The following ATP11A variants were observed in gnomAD, a reference collection of about 807,000 sequenced individuals.
The protein encoded by ATP11A is phospholipid-transporting ATPase IH.
ATP11A carries 81 observed loss-of-function variants against 154.4 expected under a neutral mutation model. The ratio of observed to expected loss-of-function variants is 0.52; its 90% confidence interval spans 0.44 to 0.63. The LOEUF (loss-of-function observed/expected upper bound fraction) is 0.63. Among genes scored for constraint, ATP11A ranks in the 30% least tolerant of loss-of-function variants. ATP11A has a pLI of 0.00. For synonymous variants in ATP11A, 623 were observed against 585.9 expected (o/e 1.06, Z -0.91); for missense variants, 1,316 against 1,474.3 (o/e 0.89, Z 1.76).
At position 112,838,151 on chromosome 13, in the gene ATP11A, G is replaced by A. The variant is rs79954622; in HGVS notation, c.1705+1900G>A. Reference sequence around the variant, plus strand: ...CCAGACCGTGGGATCAGCAGGACAGGGTCTGAGAACAGGTTCAGATGCGCG... The same window carrying A: ...CCAGACCGTGGGATCAGCAGGACAGAGTCTGAGAACAGGTTCAGATGCGCG... On this transcript the variant is annotated intron_variant, in intron 16 of 29. Transcript: ENST00000375645. This position sits in a 1 kb window ranked among gnomAD's most constrained non-coding sequence, Gnocchi z 7.3. Among the ~76,000 whole-genome samples, 2,304 of 152,280 alleles carry A rather than the reference G, an allele frequency of 0.015. 28 individuals carry two copies. Among genetic ancestry groups the A allele is most frequent in the Non-Finnish European group, 0.025 (1,704 of 68,022 alleles).
intron 1 of ATP11A, among the ~76,000 whole-genome samples, chr13:112,755,809 A>G (rs1471958324): frequency 5.4e-5 from 7 of 129,058 alleles, no homozygotes; most frequent in Non-Finnish European, 1.1e-4. Context: ...AGCGGCTCCC[A>G]GAACCATTTC....
At chr13:112,763,524 G>T (rs1378377047) in intron 1 of ATP11A, among the ~76,000 whole-genome samples, 3 of 152,068 alleles carry the variant, frequency 2.0e-5, no homozygotes, top group Non-Finnish European at 4.4e-5. Flanking sequence ...TGTCTCTTGT[G>T]GGGGAAATTT....
chr13:112,702,345 CAAAAAAAAA>C (rs35687422), intron 1 of ATP11A, among the ~76,000 whole-genome samples: 16 of 121,764 alleles, frequency 1.3e-4, no homozygotes, highest in Non-Finnish European at 2.7e-4. Flanking sequence ...GATTCTGTCT[CAAAAAAAAA>C]AAAAAAAAGA....
intron 17 of ATP11A, among the ~76,000 whole-genome samples, chr13:112,845,591 AACCAGTCCAGTTACCAGGCACTAGCGG>A (rs2079569036): frequency 8.4e-6 from 1 of 119,368 alleles, no homozygotes. Flanking sequence ...TAGTGGTTCT[AACCAGTCCAGTTACCAGGCACTAGCGG>A]TACTAACCAG....
chr13:112,734,637 A>G lies in ATP11A; in HGVS notation c.39+44182A>G, dbSNP rs190029191. On this transcript the variant is annotated intron_variant, in intron 1 of 29. Transcript: ENST00000375645. Reference sequence around the variant, plus strand: ...CGAAAATGTGACCCAATGCTTTCACACTCCTGTACTTTTCATAAATTAGTG... The same window carrying G: ...CGAAAATGTGACCCAATGCTTTCACGCTCCTGTACTTTTCATAAATTAGTG... Among the ~76,000 whole-genome samples, 436 of 152,254 alleles carry G rather than the reference A, an allele frequency of 2.9e-3. 2 individuals are homozygous for G. The highest frequency in any genetic ancestry group is 9.7e-3 in the African/African-American group (403 of 41,548).
At chr13:112,748,720 A>C (rs2076618447) in intron 1 of ATP11A, among the ~76,000 whole-genome samples, 1 of 152,192 alleles carries the variant, frequency 6.6e-6, no homozygotes, top group African/African-American at 2.4e-5. Context: ...AATCCGAAAT[A>C]AGCAATTGTG....
At chr13:112,699,765 C>T (rs1594323925) in intron 1 of ATP11A, among the ~76,000 whole-genome samples, 3 of 152,206 alleles carry the variant, frequency 2.0e-5, no homozygotes, top group South Asian at 2.1e-4. Context: ...TGTGCAGCCT[C>T]CTGCCGGGGA....
In ATP11A at chr13:112,820,509, C is replaced by T. The variant is rs1333332751; in HGVS notation, c.725+559C>T. Among the ~76,000 whole-genome samples, 5 of 152,294 alleles carry T rather than the reference C, an allele frequency of 3.3e-5. No individual in the cohort carries two copies. In the East Asian group the frequency reaches 7.7e-4, roughly 24 times the overall value. On this transcript the variant is annotated intron_variant, in intron 8 of 29. Transcript: ENST00000375645. ...TTCCCATTCACCAGCATGGACCCAG[C>T]GGCAGTCACATCGCATACCCATGAG...
rs1371289932 is a variant in ATP11A at position 112,746,914 on chromosome 13, A to G, written c.40-38221A>G. ...CTCCTTATTAGACCTTCTTGCTACA[A>G]ATGTCTATTGAGGTTCTTTGCCTAT... On this transcript the variant is annotated intron_variant, in intron 1 of 29. Transcript: ENST00000375645. This position sits in a 1 kb window ranked among gnomAD's most constrained non-coding sequence, Gnocchi z 4.1. 1 of 151,680 alleles carries G rather than the reference A, an allele frequency of 6.6e-6. No individual in the cohort carries two copies. The highest frequency in any genetic ancestry group is 1.9e-4 in the East Asian group (1 of 5,172). 9.4% of individuals were successfully genotyped at this position (151,680 alleles called of 1,614,324 possible).
In ATP11A at chr13:112,717,958, T is replaced by G. The variant is rs186447212; in HGVS notation, c.39+27503T>G. Among the ~76,000 whole-genome samples, 777 of 152,282 alleles carry G rather than the reference T, an allele frequency of 5.1e-3. 7 individuals are homozygous for G. The highest frequency in any genetic ancestry group is 0.019 in the East Asian group (99 of 5,186). On this transcript the variant is annotated intron_variant, in intron 1 of 29. Coordinates refer to ENST00000375645, the MANE Select transcript of ATP11A (RefSeq NM_015205.3). ...TGAGCGTGGTGGTGCATGCCTGTAATCCCAGCTACTCGGGAGCCGAGTCAG... is the reference window on the plus strand; with the variant it reads ...TGAGCGTGGTGGTGCATGCCTGTAAGCCCAGCTACTCGGGAGCCGAGTCAG...
intron 1 of ATP11A, among the ~76,000 whole-genome samples, chr13:112,700,044 A>T (rs201879612): frequency 1.4e-5 from 2 of 139,864 alleles, no homozygotes. Flanking sequence ...GACAAAGGTA[A>T]TTTTTTTTTT....
At chr13:112,872,234 A>G (rs2080546024) in intron 26 of ATP11A, among the ~76,000 whole-genome samples, 1 of 152,256 alleles carries the variant, frequency 6.6e-6, no homozygotes, top group Admixed American at 6.5e-5. Context: ...CTCAAAACCT[A>G]TCAGACTGAG....
At chr13:112,799,968 G>T (rs1011726269) in intron 2 of ATP11A, among the ~76,000 whole-genome samples, 1 of 152,050 alleles carries the variant, frequency 6.6e-6, no homozygotes, top group Non-Finnish European at 1.5e-5. Flanking sequence ...GTCTCAAGAG[G>T]CATAAAAATA....
In ATP11A at chr13:112,875,758, C is replaced by A; in HGVS notation, c.3162-18C>A. 1 of 1,609,850 alleles carries A rather than the reference C, an allele frequency of 6.2e-7. No individual in the cohort carries two copies. Among genetic ancestry groups the A allele is most frequent in the Non-Finnish European group, 8.5e-7 (1 of 1,176,984 alleles). ...GGAGTACATGCCTCACCAGCGGCTT[C>A]TCTTCCCTGCCCCTCAGGCCGTTCC... On this transcript the variant is annotated intron_variant, in intron 27 of 29. Coordinates refer to ENST00000375645, the MANE Select transcript of ATP11A (RefSeq NM_015205.3). This position sits in a 1 kb window ranked among gnomAD's most constrained non-coding sequence, Gnocchi z 4.1.
At position 112,836,149 on chromosome 13, in the gene ATP11A, C is replaced by T. The variant is rs201271956; in HGVS notation, c.1632-29C>T. 2,463 of 1,562,194 alleles carry T rather than the reference C, an allele frequency of 1.6e-3. 52 individuals are homozygous for T. The South Asian group carries it at 0.024, about 15-fold the overall frequency. On this transcript the variant is annotated intron_variant, in intron 15 of 29. Transcript: ENST00000375645. ...GGAATCACGTGAGCACCCGTGTGGACGGTGTGACCTTCTGCATTTCTCTTT... is the reference window on the plus strand; with the variant it reads ...GGAATCACGTGAGCACCCGTGTGGATGGTGTGACCTTCTGCATTTCTCTTT...
intron 12 of ATP11A, among the ~76,000 whole-genome samples, chr13:112,827,582 G>A (rs1258281514): frequency 1.3e-5 from 2 of 152,250 alleles, no homozygotes. Context: ...GCCTAGAGCG[G>A]TGACCTTCCC....
intron 15 of ATP11A, among the ~76,000 whole-genome samples, chr13:112,835,527 C>T (rs185209521): frequency 4.5e-4 from 69 of 152,300 alleles, no homozygotes; most frequent in African/African-American, 1.6e-3. Flanking sequence ...GGTTTGCAGC[C>T]GTGGAGGTAG....
chr13:112,793,934 C>T (rs185476185), intron 2 of ATP11A, among the ~76,000 whole-genome samples: 134 of 152,330 alleles, frequency 8.8e-4, no homozygotes, highest in Non-Finnish European at 1.7e-3. Flanking sequence ...CAGGAGGCAG[C>T]GGAAACCTGA....
Position 112,882,568 on chromosome 13 carries a change from C to T in ATP11A, c.*702C>T. 1 of 411,736 alleles carries T rather than the reference C, an allele frequency of 2.4e-6. No homozygotes were observed. Among genetic ancestry groups the T allele is most frequent in the Non-Finnish European group, 4.3e-6 (1 of 235,026 alleles). The allele number at this position is 411,736 out of a possible 1,614,324, so 25.5% of individuals were successfully genotyped here. A position where few individuals can be genotyped will look rare whatever the true frequency, so the allele number is the denominator to read the frequency against. Reference sequence around the variant, plus strand: ...TACCCTGCTCATCTGGGAGTGGTTTCCCTGCGGTTACGTCCAAGCCCGCCT... The same window carrying T: ...TACCCTGCTCATCTGGGAGTGGTTTTCCTGCGGTTACGTCCAAGCCCGCCT... On this transcript the variant is annotated 3_prime_UTR_variant, in exon 30 of 30. Coordinates refer to ENST00000375645, the MANE Select transcript of ATP11A (RefSeq NM_015205.3). The surrounding 1 kb of genome is among the most constrained non-coding windows in gnomAD (Gnocchi z 5.1).
Sources: allele counts gnomAD v4.1 joint callset (sites outside exome capture counted in the v4.1 genomes callset), GRCh38; gene constraint gnomAD v4.1.1; non-coding constraint Gnocchi (gnomAD v3.1); transcripts MANE v1.5; gene names NCBI Gene and HGNC (gene_info 2026-07-23, HGNC 2026-07-21).